The following PTPRD variants were observed in gnomAD, a reference collection of about 807,000 sequenced individuals.
PTPRD encodes receptor-type tyrosine-protein phosphatase delta.
PTPRD carries 34 observed loss-of-function variants against 214.5 expected under a neutral mutation model. The observed-to-expected ratio is 0.16, with a 90% CI of 0.12 to 0.21. The LOEUF (loss-of-function observed/expected upper bound fraction) is 0.21, where lower values mean the gene tolerates loss of function less well. Ranked by LOEUF, PTPRD falls within the 10% of genes least tolerant of loss-of-function variation. The pLI, the probability that PTPRD is intolerant of heterozygous loss-of-function variation, is 1.00. For synonymous variants in PTPRD, 1,128 were observed against 845.7 expected, an observed-to-expected ratio of 1.33 and a Z score of -5.79; for missense variants, 2,545 against 2,398.7, an observed-to-expected ratio of 1.06 and a Z score of -1.27.
At chr9:9,229,196 C>T (rs897041084) in intron 9 of PTPRD, among the ~76,000 whole-genome samples, 1 of 152,020 alleles carries the variant, frequency 6.6e-6, no homozygotes, top group Non-Finnish European at 1.5e-5. Flanking sequence ...TAACATTCAA[C>T]TTACAGGTAT....
intron 8 of PTPRD, among the ~76,000 whole-genome samples, chr9:9,491,480 C>A (rs543653698): frequency 6.6e-6 from 1 of 151,864 alleles, no homozygotes; most frequent in African/African-American, 2.4e-5. Context: ...CCAAAAACAA[C>A]AGCATAAACT....
intron 8 of PTPRD, among the ~76,000 whole-genome samples, chr9:9,555,722 T>C (rs1357800659): frequency 6.6e-6 from 1 of 152,138 alleles, no homozygotes; most frequent in Non-Finnish European, 1.5e-5. Context: ...TGTTTCTGAA[T>C]ATACAGATAA....
chr9:10,222,695 A>G (rs2099575269), intron 3 of PTPRD, among the ~76,000 whole-genome samples: 1 of 152,086 alleles, frequency 6.6e-6, no homozygotes, highest in African/African-American at 2.4e-5. Context: ...CGAGGTAAAT[A>G]CAGACATGAG....
chr9:9,214,855 T>C (rs1050460847), intron 9 of PTPRD, among the ~76,000 whole-genome samples: 1 of 152,194 alleles, frequency 6.6e-6, no homozygotes, highest in Non-Finnish European at 1.5e-5. Flanking sequence ...CTAACAGTAT[T>C]ACTTTTAACA....
intron 29 of PTPRD, among the ~76,000 whole-genome samples, chr9:8,484,798 T>C (rs1325624489): frequency 1.3e-5 from 2 of 152,194 alleles, no homozygotes; most frequent in Non-Finnish European, 2.9e-5. Flanking sequence ...CTATTTCTTA[T>C]TTCATAAATA....
Position 10,512,133 on chromosome 9 carries a change from T to C in PTPRD, c.-600+100265A>G, listed in dbSNP as rs143529998. On this transcript the variant is annotated intron_variant, in intron 2 of 45. Coordinates refer to ENST00000381196, the MANE Select transcript of PTPRD (RefSeq NM_002839.4). ...CATTCAAGAGGTTGCCAGATCAGGC[T>C]ATAGATGGCATGGTAATAAGAAGAT... 2.7e-5 allele frequency among the ~76,000 whole-genome samples: 4 copies of C among 149,524 alleles called. No homozygotes were observed. The East Asian group carries it at 7.9e-4, about 30-fold the overall frequency.
At chr9:9,840,412 C>T (rs562419560) in intron 5 of PTPRD, among the ~76,000 whole-genome samples, 12 of 151,902 alleles carry the variant, frequency 7.9e-5, no homozygotes, top group African/African-American at 2.9e-4. Flanking sequence ...AAACATTATC[C>T]TTCAGTCTTC....
chr9:10,280,628 G>C (rs1041467034), intron 3 of PTPRD, among the ~76,000 whole-genome samples: 1 of 152,006 alleles, frequency 6.6e-6, no homozygotes, highest in Non-Finnish European at 1.5e-5. Flanking sequence ...TTTTGAGACA[G>C]GCTCTTACTC....
intron 4 of PTPRD, among the ~76,000 whole-genome samples, chr9:9,952,344 A>G (rs2093531541): frequency 6.6e-6 from 1 of 152,170 alleles, no homozygotes; most frequent in Admixed American, 6.5e-5. Flanking sequence ...AAGATGTAAA[A>G]TGTGTAATGC....
At chr9:10,536,177 A>C (rs2057750129) in intron 2 of PTPRD, among the ~76,000 whole-genome samples, 2 of 152,124 alleles carry the variant, frequency 1.3e-5, no homozygotes, top group African/African-American at 4.8e-5. Context: ...AAGAAACTCC[A>C]AATATTACTG....
rs189410794 is a variant in PTPRD, at chr9:9,937,323, G to C, written c.-368+1184C>G. Among the ~76,000 whole-genome samples the C allele has an allele frequency of 2.3e-3, 350 of 150,046 alleles. 1 individual carries two copies. Among genetic ancestry groups the C allele is most frequent in the Non-Finnish European group, 4.0e-3 (270 of 67,568 alleles). ...ATACACATAAAAGTTATCTTATAAA[G>C]ACATTTTAATCCAATTTCTAAAATT... On this transcript the variant is annotated intron_variant, in intron 5 of 45. Transcript: ENST00000381196.
chr9:9,974,891 A>T (rs2095294379), intron 4 of PTPRD, among the ~76,000 whole-genome samples: 1 of 152,172 alleles, frequency 6.6e-6, no homozygotes, highest in South Asian at 2.1e-4. Flanking sequence ...CAGTGGGAAA[A>T]GGGGAGAAAA....
chr9:8,834,304 T>C (rs2097364939), intron 11 of PTPRD, among the ~76,000 whole-genome samples: 1 of 152,132 alleles, frequency 6.6e-6, no homozygotes, highest in Admixed American at 6.5e-5. Flanking sequence ...ACTGGTTTTA[T>C]TTTGAAAATT....
chr9:10,189,754 C>G (rs571729822), intron 3 of PTPRD, among the ~76,000 whole-genome samples: 2 of 152,198 alleles, frequency 1.3e-5, no homozygotes, highest in South Asian at 4.1e-4. Context: ...AAGTATATCA[C>G]TAAATTTTCT....
At chr9:9,564,404 G>A (rs145142684) in intron 8 of PTPRD, among the ~76,000 whole-genome samples, 2 of 152,164 alleles carry the variant, frequency 1.3e-5, no homozygotes, top group East Asian at 3.9e-4. Context: ...GCATAACAGA[G>A]TTGGCATGAG....
At chr9:9,252,729 C>G (rs1455819784) in intron 9 of PTPRD, among the ~76,000 whole-genome samples, 1 of 152,044 alleles carries the variant, frequency 6.6e-6, no homozygotes. Context: ...GATGCAGTCA[C>G]CTCCACCTTC....
chr9:10,121,512 C>G (rs1440757179), intron 3 of PTPRD, among the ~76,000 whole-genome samples: 1 of 152,048 alleles, frequency 6.6e-6, no homozygotes, highest in Non-Finnish European at 1.5e-5. Context: ...AGCAATATAA[C>G]GTCAACAAAA....
chr9:9,905,462 G>GC (rs2077332571), intron 5 of PTPRD, among the ~76,000 whole-genome samples: 1 of 151,740 alleles, frequency 6.6e-6, no homozygotes, highest in Non-Finnish European at 1.5e-5. Flanking sequence ...AAGGTTTATG[G>GC]CTACATACAA....
At chr9:10,388,503 G>T (rs1267166366) in intron 2 of PTPRD, among the ~76,000 whole-genome samples, 1 of 149,736 alleles carries the variant, frequency 6.7e-6, no homozygotes, top group African/African-American at 2.4e-5. Flanking sequence ...AAAAGCTAAT[G>T]GTGCCTAAAT....
Sources: gnomAD v4.1 joint callset for allele counts (sites outside exome capture counted in the v4.1 genomes callset) on GRCh38, gnomAD v4.1.1 for gene constraint, MANE v1.5 for transcripts, NCBI Gene and HGNC (gene_info 2026-07-23, HGNC 2026-07-21) for gene names.